PACRG: variants seen among roughly 807,000 people sequenced by gnomAD.
The protein encoded by PACRG is parkin coregulated gene protein.
A neutral mutation model predicts 29.7 loss-of-function variants in PACRG; 29 were observed. The ratio of observed to expected loss-of-function variants is 0.98; its 90% CI spans 0.73 to 1.33. The LOEUF is 1.33. Ranked by LOEUF, PACRG falls within the 40% of genes most tolerant of loss-of-function variation. PACRG has a pLI of 0.00. For missense variants in PACRG, 279 were observed against 316.2 expected, an observed-to-expected ratio of 0.88 and a Z score of 0.89; for synonymous variants, 116 against 118.7, an observed-to-expected ratio of 0.98 and a Z score of 0.15.
In PACRG at chr6:163,089,287, C is replaced by A; in HGVS notation, c.492C>A (p.Val164=). The part of the protein sequence containing the change: ...KNALNLRNRQ[V]ICVTLKVLQH... ...CCTTGAACCTCCGAAACCGACAGGT[C>A]ATCTGTGTCACTCTCAAGGTCCTCC... The change falls in exon 4 of 5, where the codon GTC becomes GTA. Residue 164 remains valine (V), a synonymous_variant. Transcript: ENST00000366888. 6.2e-7 allele frequency: 1 copy of A among 1,614,078 alleles called. No individual in the cohort carries two copies. Among genetic ancestry groups the A allele is most frequent in the East Asian group, 2.2e-5 (1 of 44,868 alleles).
At chr6:163,137,742 T>C (rs1217765570) in intron 4 of PACRG, among the ~76,000 whole-genome samples, 1 of 152,230 alleles carries the variant, frequency 6.6e-6, no homozygotes. Context: ...CTCACAGCCC[T>C]AAGAGAGACA....
rs34421506 is a variant in PACRG at position 163,314,913 on chromosome 6, C to T, written c.700C>T (p.Arg234Cys). Reference protein sequence around the residue: ...LIQETLEAFERYGGENAFINI... With the variant: ...LIQETLEAFECYGGENAFINI... ...CCAGGAGACACTGGAGGCCTTCGAG[C>T]GCTACGGAGGAGAAAATGCCTTTAT... is the stretch of plus-strand genomic sequence containing the variant. Residue 234 changes from arginine (R) to cysteine (C), a missense_variant, in exon 5 of 5, where the codon CGC (arginine) becomes TGC (cysteine). Transcript: ENST00000366888. 7,471 of 1,614,106 alleles carry T rather than the reference C, an allele frequency of 4.6e-3. 23 individuals carry two copies. The highest frequency in any genetic ancestry group is 5.6e-3 in the Non-Finnish European group (6,562 of 1,179,992).
rs1554313380 is a variant in PACRG, at chr6:162,947,619, T to TATATATAATC, written c.292-114524_292-114523insATCATATATA. 1.7e-3 allele frequency among the ~76,000 whole-genome samples: 81 copies of TATATATAATC among 47,290 alleles called. 1 individual carries two copies. Among genetic ancestry groups the TATATATAATC allele is most frequent in the African/African-American group, 6.0e-3 (75 of 12,450 alleles). 31.0% of individuals were successfully genotyped at this position (47,290 alleles called of 152,430 possible). A position where few individuals can be genotyped will look rare whatever the true frequency, so the allele number is the denominator to read the frequency against. ...TCATATATATATATAATCATATATA[T>TATATATAATC]ATATATATATATATATATATATATA... On this transcript the variant is annotated intron_variant, in intron 2 of 4. Transcript: ENST00000366888.
At chr6:162,839,749 C>T (rs981167652) in intron 2 of PACRG, among the ~76,000 whole-genome samples, 38 of 152,268 alleles carry the variant, frequency 2.5e-4, no homozygotes, top group African/African-American at 9.1e-4. Flanking sequence ...AGTCTTTAAT[C>T]CATCTTGAAT....
At chr6:162,748,696 G>T (rs964338496) in intron 1 of PACRG, among the ~76,000 whole-genome samples, 2 of 152,000 alleles carry the variant, frequency 1.3e-5, no homozygotes, top group Non-Finnish European at 2.9e-5. Flanking sequence ...ATCCCTGACC[G>T]CAGCCTACTC....
chr6:163,023,820 T>C (rs1806862878), intron 2 of PACRG, among the ~76,000 whole-genome samples: 1 of 152,218 alleles, frequency 6.6e-6, no homozygotes, highest in Admixed American at 6.5e-5. Flanking sequence ...ATTTCTCTGA[T>C]GACTAGTGAT....
chr6:162,895,989 A>C (rs1432779094), intron 2 of PACRG, among the ~76,000 whole-genome samples: 1 of 152,206 alleles, frequency 6.6e-6, no homozygotes, highest in African/African-American at 2.4e-5. Context: ...CATGATCAAC[A>C]CAGATTCTAC....
chr6:162,813,602 A>G (rs1787069123), intron 1 of PACRG, among the ~76,000 whole-genome samples: 1 of 152,146 alleles, frequency 6.6e-6, no homozygotes, highest in African/African-American at 2.4e-5. Context: ...ACACACACAT[A>G]GTAGGCCACC....
At chr6:162,764,195 A>C (rs2128294735) in intron 1 of PACRG, among the ~76,000 whole-genome samples, 1 of 152,192 alleles carries the variant, frequency 6.6e-6, no homozygotes, top group African/African-American at 2.4e-5. Context: ...GAATTGCTTG[A>C]ACCCAGGAGG....
At chr6:163,005,686 T>A (rs1804998956) in intron 2 of PACRG, among the ~76,000 whole-genome samples, 1 of 146,490 alleles carries the variant, frequency 6.8e-6, no homozygotes, top group South Asian at 2.1e-4. Flanking sequence ...TATTTGTTTA[T>A]CTCTATTTTT....
intron 1 of PACRG, among the ~76,000 whole-genome samples, chr6:162,733,608 G>A (rs895459045): frequency 2.0e-5 from 3 of 152,106 alleles, no homozygotes; most frequent in Non-Finnish European, 4.4e-5. Flanking sequence ...CTCACTCAGA[G>A]TAAAAGCTAA....
chr6:163,015,619 G>T (rs1806021031), intron 2 of PACRG, among the ~76,000 whole-genome samples: 2 of 152,120 alleles, frequency 1.3e-5, no homozygotes, highest in South Asian at 4.1e-4. Context: ...TATTGTAAAT[G>T]GGATTGTGTT....
At chr6:162,966,794 T>C (rs559783252) in intron 2 of PACRG, among the ~76,000 whole-genome samples, 2 of 152,196 alleles carry the variant, frequency 1.3e-5, no homozygotes, top group African/African-American at 4.8e-5. Context: ...TATTTTTATA[T>C]ATTTTGTTAC....
In PACRG at chr6:163,127,999, T is replaced by C. The variant is rs139888975; in HGVS notation, c.613+38591T>C. Among the ~76,000 whole-genome samples the C allele has an allele frequency of 6.6e-4, 100 of 152,354 alleles. 2 individuals are homozygous for C. In the East Asian group the frequency reaches 0.018, roughly 27 times the overall value. ...TAAAGGTATTTCTTTGTTCCTTGAT[T>C]GTGGTTTATTATTTTTCAAACAGCT... On this transcript the variant is annotated intron_variant, in intron 4 of 4. Transcript: ENST00000366888.
intron 1 of PACRG, among the ~76,000 whole-genome samples, chr6:162,782,647 C>T (rs1784180159): frequency 6.6e-6 from 1 of 151,724 alleles, no homozygotes; most frequent in Non-Finnish European, 1.5e-5. Flanking sequence ...ACATACTTCT[C>T]TGGTTTATTT....
chr6:163,065,206 G>A (rs903474483), intron 3 of PACRG, among the ~76,000 whole-genome samples: 1 of 151,964 alleles, frequency 6.6e-6, no homozygotes, highest in Non-Finnish European at 1.5e-5. Flanking sequence ...AGTTATTTTG[G>A]GTCAGAAACT....
At chr6:162,949,243 G>C (rs1476367442) in intron 2 of PACRG, among the ~76,000 whole-genome samples, 1 of 152,104 alleles carries the variant, frequency 6.6e-6, no homozygotes, top group African/African-American at 2.4e-5. Flanking sequence ...AGTGAAATAA[G>C]CCAGTCACAG....
intron 2 of PACRG, among the ~76,000 whole-genome samples, chr6:162,845,665 G>T (rs1397295435): frequency 6.6e-6 from 1 of 152,128 alleles, no homozygotes. Flanking sequence ...CGTCATGCCA[G>T]TTCTCCTGCT....
intron 2 of PACRG, among the ~76,000 whole-genome samples, chr6:162,997,087 A>C (rs974781005): frequency 6.6e-6 from 1 of 152,222 alleles, no homozygotes; most frequent in Non-Finnish European, 1.5e-5. Flanking sequence ...TGTGATGTTC[A>C]ATGAATGAAC....
Sources: allele counts gnomAD v4.1 joint callset (sites outside exome capture counted in the v4.1 genomes callset), GRCh38; gene constraint gnomAD v4.1.1; transcripts MANE v1.5; gene names NCBI Gene and HGNC (gene_info 2026-07-23, HGNC 2026-07-21).